The following FRMPD3 variants were observed in gnomAD, a reference collection of about 807,000 sequenced individuals.
FRMPD3 encodes FERM and PDZ domain-containing protein 3.
FRMPD3 carries 42 observed loss-of-function variants against 97.9 expected under a neutral mutation model. The observed-to-expected ratio is 0.43, with a 90% CI of 0.34 to 0.55. FRMPD3 has a LOEUF of 0.55. FRMPD3 is among the 20% of genes least tolerant of loss of function. The pLI is 0.03. For missense variants in FRMPD3, 1,303 were observed against 1,457.7 expected, an observed-to-expected ratio of 0.89 and a Z score of 1.73; for synonymous variants, 577 against 581.1, an observed-to-expected ratio of 0.99 and a Z score of 0.10.
In FRMPD3 at chrX:107,603,266, C is replaced by G; in HGVS notation, c.5227C>G (p.Gln1743Glu). Residue 1743 changes from glutamine to glutamate, a missense_variant, in exon 15 of 15, where the codon CAG becomes GAG. Physicochemically the swap from Gln to Glu is conservative, Grantham distance 29 (BLOSUM62 2). Transcript: ENST00000683843. ...ACAACAACAGCAGCAGCAGCAGCAG[C>G]AGGTGGCAGCAGCTGCAGGGGCAGC... ...QQQQQQQQQQ[Q>E]VAAAAGAATE... is the part of the protein sequence containing the mutation. 2 of 1,167,182 alleles carry G rather than the reference C, an allele frequency of 1.7e-6. No individual in the cohort carries two copies. Among genetic ancestry groups the G allele is most frequent in the South Asian group, 1.9e-5 (1 of 52,756 alleles).
chrX:107,583,715 A>G (rs1923505684), intron 13 of FRMPD3, among the ~76,000 whole-genome samples: 1 of 111,707 alleles, frequency 9.0e-6, no homozygotes, highest in South Asian at 3.7e-4. Context: ...ACAGTGTAAA[A>G]GCATTCCTAT....
intron 1 of FRMPD3, among the ~76,000 whole-genome samples, chrX:107,502,521 T>G (rs1476822664): frequency 9.0e-6 from 1 of 110,975 alleles, no homozygotes; most frequent in Non-Finnish European, 1.9e-5. Context: ...CTGCACTAAC[T>G]ACGGAGCCAG....
chrX:107,588,946 T>C (rs1442824494), intron 13 of FRMPD3, among the ~76,000 whole-genome samples: 1 of 111,511 alleles, frequency 9.0e-6, no homozygotes, highest in East Asian at 2.8e-4. Flanking sequence ...TATGTTCCTG[T>C]CTAAACTGAT....
chrX:107,466,959 T>C (rs1931575829), intron 1 of FRMPD3, among the ~76,000 whole-genome samples: 1 of 109,575 alleles, frequency 9.1e-6, no homozygotes, highest in Admixed American at 9.6e-5. Flanking sequence ...GGAGTCCAGC[T>C]GATATCTGTT....
intron 1 of FRMPD3, among the ~76,000 whole-genome samples, chrX:107,525,068 A>G (rs769380178): frequency 9.0e-6 from 1 of 111,122 alleles, no homozygotes; most frequent in Non-Finnish European, 1.9e-5. Context: ...TTCTTTTACA[A>G]ACCTTATACT....
chrX:107,483,971 G>A (rs73521089), intron 1 of FRMPD3, among the ~76,000 whole-genome samples: 2,267 of 111,567 alleles, frequency 0.02, 51 homozygotes, highest in African/African-American at 0.069. Flanking sequence ...TGTCCACATA[G>A]TGCCCTATCA....
chrX:107,578,914 G>A (rs562576661), intron 13 of FRMPD3, among the ~76,000 whole-genome samples: 2 of 111,221 alleles, frequency 1.8e-5, no homozygotes, highest in African/African-American at 3.3e-5. Flanking sequence ...TCTCATGGCC[G>A]CTAAGAAGGG....
intron 12 of FRMPD3, among the ~76,000 whole-genome samples, chrX:107,572,077 C>T (rs760252851): frequency 3.8e-4 from 42 of 111,905 alleles, no homozygotes; most frequent in African/African-American, 1.2e-3. Flanking sequence ...ATTTCCTGCT[C>T]GATTGTAAGC....
At chrX:107,530,153 T>C (rs751779355) in intron 2 of FRMPD3, among the ~76,000 whole-genome samples, 36 of 112,347 alleles carry the variant, frequency 3.2e-4, no homozygotes, top group Non-Finnish European at 1.1e-4. Context: ...CATGTCTTTC[T>C]TGGCATGGAA....
In FRMPD3 at chrX:107,550,044, C is replaced by T. The variant is rs770321965; in HGVS notation, c.403-5C>T. 21 of 1,156,299 alleles carry T rather than the reference C, an allele frequency of 1.8e-5. No homozygotes were observed. The highest frequency in any genetic ancestry group is 2.5e-5 in the Non-Finnish European group (21 of 849,937). ...TCTCCTTGTCCTTTCCCTGCTTGTT[C>T]ACAGAAAATGATGAAGAAGGAAGCT... On this transcript the variant is annotated splice_polypyrimidine_tract_variant and splice_region_variant and intron_variant, in intron 5 of 14. Transcript: ENST00000683843.
chrX:107,558,321 G>A (rs1029289388), intron 8 of FRMPD3, among the ~76,000 whole-genome samples: 2 of 110,559 alleles, frequency 1.8e-5, no homozygotes, highest in South Asian at 7.7e-4. Context: ...ATTATTTCTT[G>A]CTAGCATATA....
At chrX:107,469,986 G>A (rs749505265) in intron 1 of FRMPD3, among the ~76,000 whole-genome samples, 7 of 111,613 alleles carry the variant, frequency 6.3e-5, no homozygotes, top group Non-Finnish European at 9.4e-5. Context: ...CCCAGTAATC[G>A]TTTCTATTAG....
chrX:107,586,233 G>A (rs756726257), intron 13 of FRMPD3, among the ~76,000 whole-genome samples: 50 of 111,909 alleles, frequency 4.5e-4, no homozygotes, highest in African/African-American at 1.5e-3. Flanking sequence ...TTTGCATAGA[G>A]GTGTTTATAG....
At chrX:107,502,450 T>C (rs187779725) in intron 1 of FRMPD3, among the ~76,000 whole-genome samples, 102 of 110,974 alleles carry the variant, frequency 9.2e-4, no homozygotes, top group African/African-American at 3.3e-3. Context: ...AACTTCAACA[T>C]ATTTGGCCTC....
At chrX:107,587,286 T>A (rs947992970) in intron 13 of FRMPD3, among the ~76,000 whole-genome samples, 1 of 111,497 alleles carries the variant, frequency 9.0e-6, no homozygotes, top group Non-Finnish European at 1.9e-5. Flanking sequence ...GCTTTTTTTT[T>A]CTTTCCATTT....
At chrX:107,507,643 G>A (rs1306261255) in intron 1 of FRMPD3, among the ~76,000 whole-genome samples, 1 of 112,716 alleles carries the variant, frequency 8.9e-6, no homozygotes, top group Non-Finnish European at 1.9e-5. Context: ...GGGTGGAGAA[G>A]CAAGACCACC....
intron 11 of FRMPD3, among the ~76,000 whole-genome samples, chrX:107,563,817 C>T (rs1038044892): frequency 8.9e-6 from 1 of 112,040 alleles, no homozygotes; most frequent in Non-Finnish European, 1.9e-5. Context: ...CCTAGGTTTC[C>T]TGAGTCCTTC....
intron 4 of FRMPD3, among the ~76,000 whole-genome samples, chrX:107,543,678 T>C (rs571229912): frequency 9.1e-6 from 1 of 110,033 alleles, no homozygotes; most frequent in South Asian, 4.0e-4. Flanking sequence ...TAGCTGGGCA[T>C]GGTGATGCCT....
chrX:107,560,136 C>A, intron 8 of FRMPD3, 121 bp from the exon 9 acceptor site: 1 of 864,797 alleles, frequency 1.2e-6, no homozygotes, highest in Non-Finnish European at 1.6e-6. Context: ...CTTCCTCTGT[C>A]CCTTGATCTA....
Sources: gnomAD v4.1 joint callset for allele counts (sites outside exome capture counted in the v4.1 genomes callset) on GRCh38, gnomAD v4.1.1 for gene constraint, MANE v1.5 for transcripts, NCBI Gene and HGNC (gene_info 2026-07-23, HGNC 2026-07-21) for gene names.